The following NPR3 variants were observed in gnomAD, a reference collection of about 807,000 sequenced individuals.
NPR3 encodes natriuretic peptide receptor 3.
In NPR3, 34 loss-of-function variants were observed where a neutral mutation model predicts 54.5. The observed-to-expected ratio is 0.62, with a 90% CI of 0.47 to 0.83. The LOEUF (loss-of-function observed/expected upper bound fraction) is 0.83. NPR3 is among the 40% of genes least tolerant of loss of function. The pLI, the probability that NPR3 is intolerant of heterozygous loss-of-function variation, is 0.00. For missense variants in NPR3, 674 were observed against 720.8 expected, an observed-to-expected ratio of 0.94 and a Z score of 0.74; for synonymous variants, 289 against 297.1, an observed-to-expected ratio of 0.97 and a Z score of 0.28.
chr5:32,735,289 G>C (rs2111931631), intron 2 of NPR3, among the ~76,000 whole-genome samples: 1 of 152,150 alleles, frequency 6.6e-6, no homozygotes, highest in East Asian at 1.9e-4. Flanking sequence ...CTGTTAACCT[G>C]TTTTCCTTTT....
At chr5:32,704,822 T>G (rs1288083740), upstream of NPR3, among the ~76,000 whole-genome samples, 1 of 152,218 alleles carries the variant, frequency 6.6e-6, no homozygotes, top group Non-Finnish European at 1.5e-5. Context: ...GCAGGAAAGT[T>G]TTCTAAAATT....
chr5:32,712,211 G>A lies in NPR3; in HGVS notation c.435G>A (p.Arg145=), dbSNP rs765559885. 1.9e-6 allele frequency: 3 copies of A among 1,612,804 alleles called. No individual in the cohort carries two copies. Among genetic ancestry groups the A allele is most frequent in the South Asian group, 1.1e-5 (1 of 91,038 alleles). The change falls in exon 1 of 8, where the codon CGG becomes CGA. Residue 145 remains arginine, a synonymous_variant. Transcript: ENST00000265074. Reference sequence around the variant, plus strand: ...AGTATGCAGCAGCGCCAGTGGCCCGGCTTGCATCGCACTGGGACCTGCCCA... The same window carrying A: ...AGTATGCAGCAGCGCCAGTGGCCCGACTTGCATCGCACTGGGACCTGCCCA... The part of the protein sequence containing the change: ...VCEYAAAPVA[R]LASHWDLPML...
In NPR3 at chr5:32,787,574, G is replaced by C. The variant is rs969788126; in HGVS notation, c.*1229G>C. 1 of 152,186 alleles carries C rather than the reference G, an allele frequency of 6.6e-6. No individual in the cohort carries two copies. The highest frequency in any genetic ancestry group is 6.6e-5 in the Admixed American group (1 of 15,264). 9.4% of individuals were successfully genotyped at this position (152,186 alleles called of 1,614,324 possible). Reference sequence around the variant, plus strand: ...TACCAAAATTCCCAGTGATTATTTTGTTTAAAAGAGGGAACCTAAATATCT... The same window carrying C: ...TACCAAAATTCCCAGTGATTATTTTCTTTAAAAGAGGGAACCTAAATATCT... On this transcript the variant is annotated 3_prime_UTR_variant, in exon 8 of 8. Transcript: ENST00000265074.
intron 2 of NPR3, among the ~76,000 whole-genome samples, chr5:32,728,048 C>T (rs1263931829): frequency 6.6e-6 from 1 of 152,160 alleles, no homozygotes; most frequent in East Asian, 1.9e-4. Context: ...ATTGGGCCAC[C>T]ATGGCATTCT....
At chr5:32,786,099 G>A (rs1187483759) in intron 7 of NPR3, 135 bp from the exon 8 acceptor site, 5 of 589,892 alleles carry the variant, frequency 8.5e-6, no homozygotes, top group African/African-American at 7.7e-5. Flanking sequence ...TTTAATCTCT[G>A]ACCAGGGTTT....
At chr5:32,778,176 C>T (rs1048724498) in intron 4 of NPR3, among the ~76,000 whole-genome samples, 3 of 152,176 alleles carry the variant, frequency 2.0e-5, no homozygotes, top group African/African-American at 7.2e-5. Flanking sequence ...GCCAGGTCTA[C>T]ACAGGCAATA....
At chr5:32,693,312 G>A (rs1043033359) in intron 1 of NPR3, among the ~76,000 whole-genome samples, 3 of 151,858 alleles carry the variant, frequency 2.0e-5, no homozygotes, top group African/African-American at 7.3e-5. Context: ...TGTGAATTCT[G>A]TTTCTTTAAC....
chr5:32,770,429 C>CA (rs148069259), intron 3 of NPR3, among the ~76,000 whole-genome samples: 6,205 of 123,564 alleles, frequency 0.05, 162 homozygotes, highest in Middle Eastern at 0.072. Context: ...GACTCTGTTT[C>CA]AAAAAAAAAA....
chr5:32,758,451 C>A (rs1316055937), intron 3 of NPR3, among the ~76,000 whole-genome samples: 7 of 151,846 alleles, frequency 4.6e-5, no homozygotes, highest in Admixed American at 1.3e-4. Flanking sequence ...TGGTGATATC[C>A]CCTTTATAAT....
chr5:32,742,088 C>T (rs1031665026), intron 3 of NPR3, among the ~76,000 whole-genome samples: 1 of 151,742 alleles, frequency 6.6e-6, no homozygotes, highest in African/African-American at 2.4e-5. Context: ...TAGACTCAGT[C>T]TTTTTGCTTC....
At chr5:32,692,001 A>G (rs1740405031) in intron 1 of NPR3, among the ~76,000 whole-genome samples, 1 of 152,244 alleles carries the variant, frequency 6.6e-6, no homozygotes, top group Non-Finnish European at 1.5e-5. Context: ...TCAGGAAATC[A>G]GATCTATTTA....
chr5:32,782,707 GC>G (rs969782747), intron 5 of NPR3, among the ~76,000 whole-genome samples, 185 bp from the exon 6 acceptor site: 1 of 152,180 alleles, frequency 6.6e-6, no homozygotes, highest in Non-Finnish European at 1.5e-5. Flanking sequence ...CGAGGAACGT[GC>G]CCAATGTACC....
Position 32,786,263 on chromosome 5 carries a change from G to T in NPR3, c.1544G>T (p.Arg515Leu), listed in dbSNP as rs201694177. ...RKKYRITIER[R>L]TQQEESNLGK... ...AAATACAGAATAACCATTGAGAGGC[G>T]AACCCAGCAAGAAGAAAGTAACCTT... is the stretch of plus-strand genomic sequence containing the variant. Residue 515 changes from arginine to leucine, a missense_variant, in exon 8 of 8, where the codon CGA (arginine) becomes CTA (leucine). Arg to Leu is a moderately radical substitution (Grantham distance 102). Coordinates refer to ENST00000265074, the MANE Select transcript of NPR3 (RefSeq NM_001204375.2). 1 of 1,565,522 alleles carries T rather than the reference G, an allele frequency of 6.4e-7. No individual in the cohort carries two copies. The highest frequency in any genetic ancestry group is 8.8e-7 in the Non-Finnish European group (1 of 1,141,788).
At chr5:32,720,557 T>C (rs1331907258) in intron 1 of NPR3, among the ~76,000 whole-genome samples, 1 of 152,184 alleles carries the variant, frequency 6.6e-6, no homozygotes, top group Non-Finnish European at 1.5e-5. Flanking sequence ...GAGGGTGGCA[T>C]GGAACATTGA....
In NPR3 at chr5:32,692,405, G is replaced by A. The variant is rs1027093848; in HGVS notation, c.100+3219G>A. 2.6e-5 allele frequency among the ~76,000 whole-genome samples: 4 copies of A among 152,278 alleles called. No homozygotes were observed. The East Asian group carries it at 7.7e-4, about 29-fold the overall frequency. On this transcript the variant is annotated intron_variant, in intron 1 of 5. Coordinates refer to the NPR3 transcript ENST00000509104. The stretch of plus-strand genomic sequence containing the variant: ...AACAATAATAAAAAGGCTGACAAGA[G>A]AATATTTTTGTAGGATAGATGAGGC...
At chr5:32,716,011 T>G (rs1396565589) in intron 1 of NPR3, among the ~76,000 whole-genome samples, 2 of 152,150 alleles carry the variant, frequency 1.3e-5, no homozygotes, top group Admixed American at 1.3e-4. Context: ...CCATGATAAG[T>G]GTAAAATAAC....
At chr5:32,782,270 T>C (rs559138481) in intron 5 of NPR3, among the ~76,000 whole-genome samples, 85 of 152,224 alleles carry the variant, frequency 5.6e-4, no homozygotes, top group African/African-American at 2.0e-3. Context: ...CGCTCTTTAA[T>C]TATATGTTGA....
chr5:32,782,522 A>C (rs1198658621), intron 5 of NPR3, among the ~76,000 whole-genome samples: 1 of 152,166 alleles, frequency 6.6e-6, no homozygotes. Flanking sequence ...TAGGGGCAGC[A>C]CTGACAGGGC....
chr5:32,729,588 G>T (rs1739350826), intron 2 of NPR3, among the ~76,000 whole-genome samples: 2 of 152,092 alleles, frequency 1.3e-5, no homozygotes, highest in East Asian at 3.9e-4. Context: ...AAACCTAAAT[G>T]GCAGATAGCT....
Sources: gnomAD v4.1 joint callset for allele counts (sites outside exome capture counted in the v4.1 genomes callset) on GRCh38, gnomAD v4.1.1 for gene constraint, MANE v1.5 for transcripts, NCBI Gene and HGNC (gene_info 2026-07-23, HGNC 2026-07-21) for gene names.